Variants in PPARGC1A observed in about 807,000 individuals in gnomAD.
The protein encoded by PPARGC1A is PPARG coactivator 1 alpha.
PPARGC1A carries 25 observed loss-of-function variants against 88.7 expected under a neutral mutation model. That is an observed-to-expected ratio of 0.28 (90% confidence interval 0.21 to 0.39). PPARGC1A has a LOEUF of 0.39. Ranked by LOEUF, PPARGC1A falls within the 10% of genes least tolerant of loss-of-function variation. The pLI is 1.00. For synonymous variants in PPARGC1A, 363 were observed against 355.6 expected, an observed-to-expected ratio of 1.02 and a Z score of -0.24; for missense variants, 880 against 968.7, an observed-to-expected ratio of 0.91 and a Z score of 1.22.
At chr4:24,188,561 A>G in the PPARGC1A span, among the ~76,000 whole-genome samples, 1 of 152,154 alleles carries the variant, frequency 6.6e-6, no homozygotes, top group African/African-American at 2.4e-5. Context: ...GGATAATTCA[A>G]GTAAAGGTCC....
the PPARGC1A span, among the ~76,000 whole-genome samples, chr4:24,052,854 ATTTTTTTT>A: frequency 6.1e-5 from 4 of 65,790 alleles, no homozygotes; most frequent in African/African-American, 2.0e-4. Context: ...GCGTACGCAG[ATTTTTTTT>A]TTTTTTTTTT....
chr4:24,461,881 C>T, the PPARGC1A span, among the ~76,000 whole-genome samples: 4 of 152,130 alleles, frequency 2.6e-5, no homozygotes, highest in African/African-American at 9.7e-5. Flanking sequence ...CTTCTTGAAA[C>T]TTTCTGTGAT....
chr4:24,190,062 C>T, the PPARGC1A span, among the ~76,000 whole-genome samples: 1 of 152,174 alleles, frequency 6.6e-6, no homozygotes, highest in Non-Finnish European at 1.5e-5. Context: ...CTGTGACATG[C>T]TTGAAATGTC....
At chr4:24,112,988 C>A in the PPARGC1A span, among the ~76,000 whole-genome samples, 2 of 152,258 alleles carry the variant, frequency 1.3e-5, no homozygotes, top group Non-Finnish European at 2.9e-5. Flanking sequence ...GAAAGGGCTA[C>A]TGTGTTTAAT....
the PPARGC1A span, among the ~76,000 whole-genome samples, chr4:24,143,538 ACGAC>A: frequency 1.5e-4 from 23 of 152,336 alleles, no homozygotes; most frequent in Non-Finnish European, 2.6e-4. Context: ...GGAAAAGTAT[ACGAC>A]GATATGAATA....
chr4:24,194,631 C>T, the PPARGC1A span, among the ~76,000 whole-genome samples: 1 of 12,848 alleles, frequency 7.8e-5, no homozygotes, highest in African/African-American at 2.0e-4. Context: ...CACGCGCGCG[C>T]ACACACACAC....
At chr4:23,910,818 T>A in the PPARGC1A span, among the ~76,000 whole-genome samples, 6 of 19,556 alleles carry the variant, frequency 3.1e-4, no homozygotes, top group African/African-American at 7.8e-3. Context: ...TTGTTATCTC[T>A]TTTTTTCAGA....
the PPARGC1A span, among the ~76,000 whole-genome samples, chr4:24,246,889 G>C: frequency 1.1e-4 from 17 of 152,040 alleles, no homozygotes; most frequent in African/African-American, 4.1e-4. Context: ...TGTAAGAAAT[G>C]AAGATTGCAA....
the PPARGC1A span, among the ~76,000 whole-genome samples, chr4:24,280,955 A>G: frequency 6.6e-6 from 1 of 152,226 alleles, no homozygotes; most frequent in South Asian, 2.1e-4. Context: ...GAATCAACCA[A>G]CCAAAGCTGG....
At chr4:24,030,889 AGTT>A in the PPARGC1A span, among the ~76,000 whole-genome samples, 14 of 152,286 alleles carry the variant, frequency 9.2e-5, no homozygotes, top group African/African-American at 3.4e-4. Flanking sequence ...TCCAACAAAC[AGTT>A]GTTTGTGCCA....
At chr4:24,183,953 A>C in the PPARGC1A span, among the ~76,000 whole-genome samples, 1 of 152,222 alleles carries the variant, frequency 6.6e-6, no homozygotes, top group Non-Finnish European at 1.5e-5. Flanking sequence ...GCTTGCTTTC[A>C]AAAAAGTAAA....
At chr4:23,982,011 A>C in the PPARGC1A span, among the ~76,000 whole-genome samples, 1 of 152,160 alleles carries the variant, frequency 6.6e-6, no homozygotes, top group African/African-American at 2.4e-5. Flanking sequence ...GAAAAAGAGC[A>C]AGAAGTTTTG....
the PPARGC1A span, among the ~76,000 whole-genome samples, chr4:24,047,201 C>A: frequency 6.6e-6 from 1 of 152,206 alleles, no homozygotes; most frequent in Non-Finnish European, 1.5e-5. Context: ...GATGCTCTCT[C>A]TACTCGAAAT....
At chr4:24,221,821 T>C in the PPARGC1A span, among the ~76,000 whole-genome samples, 1 of 12,700 alleles carries the variant, frequency 7.9e-5, no homozygotes, top group East Asian at 2.9e-3. Flanking sequence ...GGAATTGTTA[T>C]ACTTAAATTA....
chr4:24,471,508 C>T, the PPARGC1A span, among the ~76,000 whole-genome samples: 1 of 152,054 alleles, frequency 6.6e-6, no homozygotes, highest in Non-Finnish European at 1.5e-5. This position sits in a 1 kb window ranked among gnomAD's most constrained non-coding sequence, Gnocchi z 5.4. Flanking sequence ...GGCATTTTTC[C>T]TCTCTCTATT....
chr4:24,215,607 TAA>T, the PPARGC1A span, among the ~76,000 whole-genome samples: 1 of 151,984 alleles, frequency 6.6e-6, no homozygotes, highest in Non-Finnish European at 1.5e-5. Context: ...CGGAAGAAAA[TAA>T]AGACATAAAT....
At chr4:23,949,883 T>G in the PPARGC1A span, among the ~76,000 whole-genome samples, 25 of 152,184 alleles carry the variant, frequency 1.6e-4, no homozygotes, top group Non-Finnish European at 3.1e-4. Context: ...CAAATCTGCC[T>G]TGTTTTCTTT....
At chr4:24,117,170 G>A in the PPARGC1A span, among the ~76,000 whole-genome samples, 1 of 152,152 alleles carries the variant, frequency 6.6e-6, no homozygotes, top group Non-Finnish European at 1.5e-5. Flanking sequence ...CCCATCAATA[G>A]AGAGGTTTAT....
the PPARGC1A span, among the ~76,000 whole-genome samples, chr4:24,281,513 C>T: frequency 6.6e-6 from 1 of 152,146 alleles, no homozygotes; most frequent in Admixed American, 6.6e-5. Flanking sequence ...AGAGAGAGGG[C>T]ATTAATCTAC....
Sources: gnomAD v4.1 joint callset for allele counts (sites outside exome capture counted in the v4.1 genomes callset) on GRCh38, gnomAD v4.1.1 for gene constraint, Gnocchi (gnomAD v3.1) non-coding constraint, MANE v1.5 for transcripts, NCBI Gene and HGNC (gene_info 2026-07-23, HGNC 2026-07-21) for gene names.